The following NCKAP5 variants were observed in gnomAD, a reference collection of about 807,000 sequenced individuals.
The protein encoded by NCKAP5 is nck-associated protein 5.
NCKAP5 carries 92 observed loss-of-function variants against 167.0 expected under a neutral mutation model. That is an observed-to-expected ratio of 0.55 (90% CI 0.47 to 0.66). The LOEUF (loss-of-function observed/expected upper bound fraction) is 0.66, where lower values mean the gene tolerates loss of function less well. NCKAP5 is among the 30% of genes least tolerant of loss of function. The pLI is 0.00. For synonymous variants in NCKAP5, 891 were observed against 877.4 expected, an observed-to-expected ratio of 1.02 and a Z score of -0.27; for missense variants, 2,378 against 2,315.0, an observed-to-expected ratio of 1.03 and a Z score of -0.56.
At chr2:132,939,537 T>G (rs1276191867) in intron 8 of NCKAP5, among the ~76,000 whole-genome samples, 1 of 151,908 alleles carries the variant, frequency 6.6e-6, no homozygotes, top group African/African-American at 2.4e-5. Flanking sequence ...TAAGACCTAT[T>G]TTTTTTTACA....
chr2:133,502,076 G>T (rs2151389243), intron 3 of NCKAP5, among the ~76,000 whole-genome samples: 1 of 152,300 alleles, frequency 6.6e-6, no homozygotes, highest in Non-Finnish European at 1.5e-5. Context: ...TCCCGTGACT[G>T]CTACTTTGGT....
At chr2:133,607,909 A>G in the NCKAP5 span, among the ~76,000 whole-genome samples, 1 of 152,214 alleles carries the variant, frequency 6.6e-6, no homozygotes, top group African/African-American at 2.4e-5. Flanking sequence ...CATAGTCATG[A>G]GCTTCAGCTC....
chr2:133,313,957 T>C, intron 3 of NCKAP5, among the ~76,000 whole-genome samples: 1 of 152,212 alleles, frequency 6.6e-6, no homozygotes, highest in Non-Finnish European at 1.5e-5. Flanking sequence ...ACAGCAGGAA[T>C]TGACCAATGA....
chr2:132,969,565 G>T (rs2076770662), intron 7 of NCKAP5, among the ~76,000 whole-genome samples: 1 of 152,312 alleles, frequency 6.6e-6, no homozygotes, highest in Non-Finnish European at 1.5e-5. Flanking sequence ...GGAGTCATTA[G>T]TTGAGGCCAG....
chr2:133,044,210 GAA>G (rs2079310715), intron 6 of NCKAP5, among the ~76,000 whole-genome samples: 1 of 152,070 alleles, frequency 6.6e-6, no homozygotes, highest in Admixed American at 6.6e-5. Context: ...CAGAATCGCA[GAA>G]GTACAAATAG....
chr2:133,236,820 C>T (rs892198494), intron 4 of NCKAP5, among the ~76,000 whole-genome samples: 1 of 152,138 alleles, frequency 6.6e-6, no homozygotes, highest in Non-Finnish European at 1.5e-5. Flanking sequence ...TCTATTACCT[C>T]TATAGGCTTC....
At chr2:133,620,329 A>T in the NCKAP5 span, among the ~76,000 whole-genome samples, 2 of 152,118 alleles carry the variant, frequency 1.3e-5, no homozygotes, top group African/African-American at 4.8e-5. Flanking sequence ...AGTTTCTGAC[A>T]GAATGGAGAA....
intron 3 of NCKAP5, among the ~76,000 whole-genome samples, chr2:133,476,552 A>G (rs868137429): frequency 3.9e-5 from 6 of 152,184 alleles, no homozygotes; most frequent in Middle Eastern, 6.8e-3. Flanking sequence ...GGCCCTACAT[A>G]TTGCCTTCCT....
intron 6 of NCKAP5, among the ~76,000 whole-genome samples, chr2:133,033,418 T>C (rs1030510731): frequency 3.3e-5 from 5 of 152,158 alleles, no homozygotes; most frequent in African/African-American, 1.2e-4. Context: ...CAGTAAAGAC[T>C]AGAATGAATA....
chr2:133,158,143 T>C (rs988266358), intron 5 of NCKAP5, among the ~76,000 whole-genome samples: 1 of 152,228 alleles, frequency 6.6e-6, no homozygotes, highest in African/African-American at 2.4e-5. Flanking sequence ...AAATATGCTG[T>C]CCTTCCTTTC....
chr2:133,316,164 C>T (rs1050352642), intron 3 of NCKAP5, among the ~76,000 whole-genome samples: 4 of 152,160 alleles, frequency 2.6e-5, no homozygotes, highest in Non-Finnish European at 5.9e-5. Context: ...TTTCCGATGA[C>T]TTAACACAAC....
chr2:133,340,586 G>C (rs1040775201), intron 3 of NCKAP5, among the ~76,000 whole-genome samples: 1 of 152,132 alleles, frequency 6.6e-6, no homozygotes, highest in South Asian at 2.1e-4. Flanking sequence ...AAGAGGAGAC[G>C]AGTAAGATAC....
intron 5 of NCKAP5, among the ~76,000 whole-genome samples, chr2:133,180,681 A>G: frequency 6.6e-6 from 1 of 152,158 alleles, no homozygotes; most frequent in East Asian, 1.9e-4. Flanking sequence ...AGAAATGATA[A>G]AGAAGTAACC....
intron 10 of NCKAP5, among the ~76,000 whole-genome samples, chr2:132,868,289 A>C: frequency 6.6e-6 from 1 of 152,122 alleles, no homozygotes; most frequent in East Asian, 1.9e-4. Context: ...GAAATAGCCA[A>C]ATTTGGGCAA....
At chr2:133,501,684 C>G (rs1682531409) in intron 3 of NCKAP5, among the ~76,000 whole-genome samples, 1 of 152,184 alleles carries the variant, frequency 6.6e-6, no homozygotes, top group African/African-American at 2.4e-5. Context: ...AGAATGCAGA[C>G]AGAAATCCTG....
chr2:133,130,139 T>C, intron 5 of NCKAP5, 28 bp from the exon 6 acceptor site: 1 of 1,588,796 alleles, frequency 6.3e-7, no homozygotes, highest in South Asian at 1.2e-5. Context: ...GGGATGACTT[T>C]TAGGAAGGTG....
chr2:133,252,950 A>G (rs1471464640), intron 4 of NCKAP5, among the ~76,000 whole-genome samples: 2 of 152,224 alleles, frequency 1.3e-5, no homozygotes, highest in African/African-American at 4.8e-5. Flanking sequence ...GGGGGTCTGC[A>G]GATAGCAACT....
chr2:132,989,259 G>T (rs1012499077), intron 7 of NCKAP5, among the ~76,000 whole-genome samples: 5 of 152,304 alleles, frequency 3.3e-5, no homozygotes, highest in Non-Finnish European at 7.4e-5. Context: ...CCAATGGGTT[G>T]CTCTATTTTC....
chr2:133,010,959 A>T (rs2078138194), intron 6 of NCKAP5, among the ~76,000 whole-genome samples: 1 of 152,224 alleles, frequency 6.6e-6, no homozygotes, highest in Non-Finnish European at 1.5e-5. Context: ...TTTGATATTT[A>T]AAAGCAATAG....
Sources: gnomAD v4.1 joint callset for allele counts (sites outside exome capture counted in the v4.1 genomes callset) on GRCh38, gnomAD v4.1.1 for gene constraint, MANE v1.5 for transcripts, NCBI Gene and HGNC (gene_info 2026-07-23, HGNC 2026-07-21) for gene names.